TIGIT: variants seen among roughly 807,000 people sequenced by gnomAD.
TIGIT encodes T cell immunoreceptor with Ig and ITIM domains, also known as T-cell immunoreceptor with Ig and ITIM domains.
Under a neutral mutation model 19.6 loss-of-function variants are expected in TIGIT, and 11 were observed. The ratio of observed to expected loss-of-function variants is 0.56; its 90% CI spans 0.35 to 0.93. The LOEUF (loss-of-function observed/expected upper bound fraction) is 0.93. Ranked by LOEUF, TIGIT falls within the 40% of genes least tolerant of loss-of-function variation. TIGIT has a pLI of 0.01. For synonymous variants in TIGIT, 130 were observed against 125.5 expected (o/e 1.04, Z -0.24); for missense variants, 295 against 303.9 (o/e 0.97, Z 0.22).
At chr3:114,295,947 A>C in intron 2 of TIGIT, 73 bp downstream of exon 2, 1 of 1,211,640 alleles carries the variant, frequency 8.3e-7, no homozygotes, top group Non-Finnish European at 1.2e-6. Flanking sequence ...GAAACACTGC[A>C]CAGCAGGGCT....
Position 114,295,890 on chromosome 3 carries a change from C to G in TIGIT, c.391+16C>G. ...GAAAGCTCAGGTATTCCTGCTGGAG[C>G]AAGTTGGTGGATAAACCTCTCCCTC... On this transcript the variant is annotated intron_variant, in intron 2 of 3. Coordinates refer to ENST00000383671, the MANE Select transcript of TIGIT (RefSeq NM_173799.4). 6.3e-7 allele frequency: 1 copy of G among 1,576,086 alleles called. No homozygotes were observed. Among genetic ancestry groups the G allele is most frequent in the East Asian group, 2.3e-5 (1 of 44,354 alleles).
Position 114,299,709 on chromosome 3 carries a change from GGCTCCGGCTGC to G in TIGIT, c.498+7_498+17del. On this transcript the variant is annotated splice_region_variant and intron_variant, in intron 3 of 3. Coordinates refer to ENST00000383671, the MANE Select transcript of TIGIT (RefSeq NM_173799.4). ...TGGTCGCGTTGACTAGAAAGGTAAT[GGCTCCGGCTGC>G]ACACCGCAGTCATGGGCACCCCCAC... The G allele has an allele frequency of 1.3e-6, 2 of 1,598,262 alleles. No individual in the cohort carries two copies. The highest frequency in any genetic ancestry group is 1.7e-6 in the Non-Finnish European group (2 of 1,168,310).
At chr3:114,298,410 C>T (rs892749051) in intron 2 of TIGIT, among the ~76,000 whole-genome samples, 8 of 152,140 alleles carry the variant, frequency 5.3e-5, no homozygotes, top group Admixed American at 3.9e-4. Context: ...CTTTTCACTC[C>T]ATCTATCTTC....
intron 3 of TIGIT, among the ~76,000 whole-genome samples, chr3:114,304,766 A>G (rs1456695145): frequency 1.3e-5 from 2 of 152,300 alleles, no homozygotes; most frequent in South Asian, 2.1e-4. Context: ...TTTTCCATCA[A>G]GGGGAAGTGG....
intron 2 of TIGIT, among the ~76,000 whole-genome samples, chr3:114,296,973 C>T (rs948514071): frequency 2.0e-5 from 3 of 148,328 alleles, no homozygotes; most frequent in African/African-American, 5.0e-5. Context: ...CAGCTCACTG[C>T]AACTTCCGCC....
At chr3:114,306,316 A>G (rs1256661635) in intron 3 of TIGIT, among the ~76,000 whole-genome samples, 1 of 152,160 alleles carries the variant, frequency 6.6e-6, no homozygotes, top group African/African-American at 2.4e-5. Context: ...TGACATGCCA[A>G]TCTCCTTTGG....
rs983399182 is a variant in TIGIT at position 114,308,425 on chromosome 3, A to G, written c.*294A>G. ...AAATCTGGCAGTTTGAGCAGATCCT[A>G]TGTCTCTGAGAGACACATTCCTCAT... On this transcript the variant is annotated 3_prime_UTR_variant, in exon 4 of 4. Transcript: ENST00000383671. 7 of 283,908 alleles carry G rather than the reference A, an allele frequency of 2.5e-5. No individual in the cohort carries two copies. Among genetic ancestry groups the G allele is most frequent in the African/African-American group, 1.5e-4 (7 of 45,372 alleles). The allele number at this position is 283,908 out of a possible 1,614,324, so 17.6% of individuals were successfully genotyped here. A position where few individuals can be genotyped will look rare whatever the true frequency, so the allele number is the denominator to read the frequency against.
chr3:114,305,046 T>C (rs148835730), intron 3 of TIGIT, among the ~76,000 whole-genome samples: 1 of 152,344 alleles, frequency 6.6e-6, no homozygotes, highest in Non-Finnish European at 1.5e-5. Context: ...TCTCACACTT[T>C]GAGTTGCTGA....
Position 114,308,082 on chromosome 3 carries a change from T to C in TIGIT, c.686T>C (p.Leu229Pro). The change falls in exon 4 of 4, where the codon CTG (leucine) becomes CCG (proline). Residue 229 changes from leucine (L) to proline (P), a missense_variant. Leu to Pro is a moderately conservative substitution (Grantham distance 98, BLOSUM62 -3). Coordinates refer to ENST00000383671, the MANE Select transcript of TIGIT (RefSeq NM_173799.4). ...GAGCTGCATGACTACTTCAATGTCC[T>C]GAGTTACAGAAGCCTGGGTAACTGC... ...CAELHDYFNVLSYRSLGNCSF... is the reference protein window; with the variant it reads ...CAELHDYFNVPSYRSLGNCSF... 1 of 1,614,196 alleles carries C rather than the reference T, an allele frequency of 6.2e-7. No individual in the cohort carries two copies. Among genetic ancestry groups the C allele is most frequent in the South Asian group, 1.1e-5 (1 of 91,076 alleles).
intron 3 of TIGIT, among the ~76,000 whole-genome samples, chr3:114,303,498 TATATATGTATATATATATAC>T (rs2078505417): frequency 2.0e-5 from 1 of 50,986 alleles, no homozygotes; most frequent in South Asian, 1.2e-3. Context: ...GGTGTGTATA[TATATATGTATATATATATAC>T]ACATATATAT....
At chr3:114,299,504 C>A in intron 2 of TIGIT, 93 bp from the exon 3 acceptor site, 1 of 939,064 alleles carries the variant, frequency 1.1e-6, no homozygotes, top group Non-Finnish European at 1.7e-6. Context: ...CTTGGCCAAT[C>A]CTCCCCTCTC....
intron 2 of TIGIT, among the ~76,000 whole-genome samples, chr3:114,297,085 A>G (rs9825904): frequency 0.85 from 128,490 of 151,756 alleles, 54,628 homozygotes; most frequent in East Asian, 0.99. Context: ...TAGTAGAGAC[A>G]GGGTTTCTTC....
Position 114,295,626 on chromosome 3 carries a change from C to A in TIGIT, c.143C>A (p.Ser48Tyr). 1 of 1,614,208 alleles carries A rather than the reference C, an allele frequency of 6.2e-7. No individual in the cohort carries two copies. Among genetic ancestry groups the A allele is most frequent in the Non-Finnish European group, 8.5e-7 (1 of 1,180,036 alleles). Residue 48 changes from serine (S) to tyrosine (Y), a missense_variant, in exon 2 of 4, where the codon TCC (serine) becomes TAC (tyrosine). Transcript: ENST00000383671. Reference protein sequence around the residue: ...GGSIILQCHLSSTTAQVTQVN... With the variant: ...GGSIILQCHLYSTTAQVTQVN... ...TCTATCATCTTACAATGTCACCTCT[C>A]CTCCACCACGGCACAAGTGACCCAG...
rs1440943934 is a variant in TIGIT at position 114,309,846 on chromosome 3, G to A, written c.*1715G>A. 6.6e-6 allele frequency: 1 copy of A among 152,130 alleles called. No homozygotes were observed. The highest frequency in any genetic ancestry group is 2.4e-5 in the African/African-American group (1 of 41,428). 9.4% of individuals were successfully genotyped at this position (152,130 alleles called of 1,614,324 possible). A position where few individuals can be genotyped will look rare whatever the true frequency, so the allele number is the denominator to read the frequency against. The stretch of plus-strand genomic sequence containing the variant: ...ATATTCGGCAGAGGTTGGACTGAGA[G>A]TTGGGTGTTATTTAACATAATTATG... On this transcript the variant is annotated 3_prime_UTR_variant, in exon 4 of 4. Coordinates refer to ENST00000383671, the MANE Select transcript of TIGIT (RefSeq NM_173799.4).
In TIGIT at chr3:114,303,538, TAC is replaced by T. The variant is rs1160881399; in HGVS notation, c.498+3839_498+3840del. ...ATATACACATATATATGTATATATA[TAC>T]ACATATATATGTATATATATATACA... is the stretch of plus-strand genomic sequence containing the variant. On this transcript the variant is annotated intron_variant, in intron 3 of 3. Transcript: ENST00000383671. 1.8e-3 allele frequency among the ~76,000 whole-genome samples: 11 copies of T among 6,190 alleles called. 2 individuals are homozygous for T. The South Asian group carries it at 0.075, about 42-fold the overall frequency. 4.1% of individuals were successfully genotyped at this position (6,190 alleles called of 152,430 possible). A position where few individuals can be genotyped will look rare whatever the true frequency, so the allele number is the denominator to read the frequency against.
Position 114,295,807 on chromosome 3 carries a change from CATCT to C in TIGIT, c.328_331del (p.Tyr110ThrfsTer17). On this transcript the variant is annotated frameshift_variant, in exon 2 of 4. Transcript: ENST00000383671. LOFTEE classifies it high-confidence loss of function. ...TGAACGATACAGGGGAGTACTTCTG[CATCT>C]ATCACACCTACCCTGATGGGACGTA... 6.2e-7 allele frequency: 1 copy of C among 1,614,186 alleles called. No individual in the cohort carries two copies. The highest frequency in any genetic ancestry group is 1.3e-5 in the African/African-American group (1 of 75,044).
intron 1 of TIGIT, among the ~76,000 whole-genome samples, chr3:114,295,243 G>A (rs1195979143): frequency 1.3e-5 from 2 of 152,128 alleles, no homozygotes; most frequent in African/African-American, 2.4e-5. Flanking sequence ...ATAGGGCAGT[G>A]GGTGGGGAGG....
In TIGIT at chr3:114,294,086, T is replaced by C. The variant is rs1221754538; in HGVS notation, c.25T>C (p.Trp9Arg). 1.3e-6 allele frequency: 2 copies of C among 1,554,632 alleles called. No individual in the cohort carries two copies. Among genetic ancestry groups the C allele is most frequent in the Non-Finnish European group, 1.7e-6 (2 of 1,148,212 alleles). The change falls in exon 1 of 4, where the codon TGG (tryptophan) becomes CGG (arginine). Residue 9 changes from tryptophan (W) to arginine (R), a missense_variant. Physicochemically the swap from Trp to Arg is moderately radical, Grantham distance 101. Transcript: ENST00000383671. Reference protein sequence around the residue: MRWCLLLIWAQGLRQAPLA... With the variant: MRWCLLLIRAQGLRQAPLA... ...CATGCGCTGGTGTCTCCTCCTGATC[T>C]GGGCCCAGGGGCTGAGGCAGGCTCC... is the stretch of plus-strand genomic sequence containing the variant.
chr3:114,295,419 G>C, intron 1 of TIGIT, 126 bp from the exon 2 acceptor site: 1 of 727,002 alleles, frequency 1.4e-6, no homozygotes, highest in Non-Finnish European at 2.4e-6. Context: ...AGGAGCAACA[G>C]GATGGACTGG....
Sources: gnomAD v4.1 joint callset for allele counts (sites outside exome capture counted in the v4.1 genomes callset) on GRCh38, gnomAD v4.1.1 for gene constraint, MANE v1.5 for transcripts, NCBI Gene and HGNC (gene_info 2026-07-23, HGNC 2026-07-21) for gene names.